The following ITGA9 variants were observed in gnomAD, a reference collection of about 807,000 sequenced individuals.
ITGA9 encodes integrin alpha-9.
ITGA9 carries 56 observed loss-of-function variants against 127.8 expected under a neutral mutation model. That is an observed-to-expected ratio of 0.44 (90% CI 0.35 to 0.55). The LOEUF (loss-of-function observed/expected upper bound fraction) is 0.55. Among genes scored for constraint, ITGA9 ranks in the 20% least tolerant of loss-of-function variants. ITGA9 has a pLI of 0.00. For synonymous variants in ITGA9, 508 were observed against 514.5 expected, an observed-to-expected ratio of 0.99 and a Z score of 0.17; for missense variants, 1,196 against 1,347.1, an observed-to-expected ratio of 0.89 and a Z score of 1.76.
At chr3:37,816,405 G>T (rs1301437088) in intron 27 of ITGA9, among the ~76,000 whole-genome samples, 1 of 152,182 alleles carries the variant, frequency 6.6e-6, no homozygotes, top group African/African-American at 2.4e-5. Flanking sequence ...ATGTGCTAGA[G>T]AATCCTATTT....
intron 26 of ITGA9, chr3:37,790,112 C>T (rs1280865872): frequency 3.6e-6 from 2 of 556,344 alleles, no homozygotes; most frequent in South Asian, 1.4e-5. Flanking sequence ...GAAATTTTGC[C>T]TTTGGGAATG....
intron 15 of ITGA9, among the ~76,000 whole-genome samples, chr3:37,577,745 G>C (rs1263289179): frequency 3.9e-5 from 6 of 152,226 alleles, no homozygotes; most frequent in Non-Finnish European, 5.9e-5. Context: ...GTGAAACTCT[G>C]TGACTTCTTC....
At chr3:37,783,009 G>A (rs184319666) in intron 25 of ITGA9, among the ~76,000 whole-genome samples, 7 of 152,052 alleles carry the variant, frequency 4.6e-5, no homozygotes, top group Non-Finnish European at 1.0e-4. Context: ...CATGGTGGTG[G>A]GCACCTGTAG....
intron 17 of ITGA9, among the ~76,000 whole-genome samples, chr3:37,654,592 A>T (rs962119180): frequency 2.0e-5 from 3 of 152,116 alleles, no homozygotes; most frequent in African/African-American, 7.2e-5. Context: ...TTTGGTAGTT[A>T]TTTTTCAAAA....
intron 4 of ITGA9, among the ~76,000 whole-genome samples, chr3:37,484,717 A>G (rs1698591371): frequency 6.6e-6 from 1 of 152,152 alleles, no homozygotes; most frequent in African/African-American, 2.4e-5. Context: ...TTCTGGACAC[A>G]GACTGCCGGA....
intron 26 of ITGA9, among the ~76,000 whole-genome samples, chr3:37,786,525 G>A (rs749749902): frequency 6.6e-5 from 10 of 152,160 alleles, no homozygotes; most frequent in South Asian, 4.2e-4. Flanking sequence ...ACCCGGAGGC[G>A]GAGGTTGCAG....
At chr3:37,675,784 G>GC (rs1700675827) in intron 17 of ITGA9, among the ~76,000 whole-genome samples, 4 of 99,290 alleles carry the variant, frequency 4.0e-5, no homozygotes, top group African/African-American at 1.7e-4. Flanking sequence ...TTGCTCTTTT[G>GC]CCAGACTGGA....
intron 1 of ITGA9, among the ~76,000 whole-genome samples, chr3:37,454,275 A>G (rs1343990317): frequency 2.0e-5 from 3 of 152,266 alleles, no homozygotes; most frequent in Non-Finnish European, 4.4e-5. Flanking sequence ...CATGGGCCAC[A>G]GGTCAAAGCC....
At chr3:37,716,468 A>T (rs1261078419) in intron 18 of ITGA9, among the ~76,000 whole-genome samples, 4 of 151,738 alleles carry the variant, frequency 2.6e-5, no homozygotes, top group African/African-American at 9.7e-5. Flanking sequence ...ACATATACAG[A>T]CACAGAAAAG....
intron 15 of ITGA9, among the ~76,000 whole-genome samples, chr3:37,561,143 A>C (rs2125599726): frequency 6.6e-6 from 1 of 152,354 alleles, no homozygotes; most frequent in East Asian, 1.9e-4. Flanking sequence ...ACTTTAACAC[A>C]GGAATTTTGG....
At chr3:37,791,453 T>TG (rs1697108444) in intron 26 of ITGA9, among the ~76,000 whole-genome samples, 1 of 152,092 alleles carries the variant, frequency 6.6e-6, no homozygotes, top group Non-Finnish European at 1.5e-5. Flanking sequence ...TGCTCAGAAT[T>TG]GCGCTGGAAG....
At chr3:37,535,251 C>T (rs140516049) in intron 14 of ITGA9, among the ~76,000 whole-genome samples, 5 of 152,328 alleles carry the variant, frequency 3.3e-5, no homozygotes, top group East Asian at 1.9e-4. Context: ...TGTTAGACAA[C>T]GTTCACTTAT....
chr3:37,491,163 A>C (rs1484467760), intron 4 of ITGA9, among the ~76,000 whole-genome samples: 1 of 151,850 alleles, frequency 6.6e-6, no homozygotes, highest in Admixed American at 6.6e-5. Context: ...TTTTGTAGAG[A>C]TGGGGGTCTC....
chr3:37,546,188 A>G (rs1297196445), intron 15 of ITGA9, among the ~76,000 whole-genome samples: 2 of 152,208 alleles, frequency 1.3e-5, no homozygotes, highest in African/African-American at 2.4e-5. Flanking sequence ...TATATTGAAG[A>G]CACAACAGTG....
Position 37,822,848 on chromosome 3 carries a change from A to G in ITGA9, c.*3859A>G, listed in dbSNP as rs1445927404. The G allele has an allele frequency of 6.6e-6, 1 of 152,194 alleles. No individual in the cohort carries two copies. Among genetic ancestry groups the G allele is most frequent in the Non-Finnish European group, 1.5e-5 (1 of 68,030 alleles). 9.4% of individuals were successfully genotyped at this position (152,194 alleles called of 1,614,324 possible). A position where few individuals can be genotyped will look rare whatever the true frequency, so the allele number is the denominator to read the frequency against. On this transcript the variant is annotated 3_prime_UTR_variant, in exon 28 of 28. Transcript: ENST00000264741. ...TGCAGTTATGTCTGGGTTACGTGTG[A>G]AACGTACATCTGGTGAACTGTATAC...
At chr3:37,565,895 G>A (rs1361937629) in intron 15 of ITGA9, among the ~76,000 whole-genome samples, 1 of 152,132 alleles carries the variant, frequency 6.6e-6, no homozygotes, top group African/African-American at 2.4e-5. Flanking sequence ...GAAATACTGG[G>A]GACCCTTGAG....
chr3:37,743,867 G>A (rs557938468), intron 21 of ITGA9, 59 bp from the exon 22 acceptor site: 14 of 1,130,850 alleles, frequency 1.2e-5, no homozygotes, highest in Admixed American at 1.0e-4. Context: ...CAGAATGGCA[G>A]TGACCATGGG....
chr3:37,464,795 G>T (rs1031533169), intron 1 of ITGA9, among the ~76,000 whole-genome samples: 2 of 152,198 alleles, frequency 1.3e-5, no homozygotes, highest in Non-Finnish European at 2.9e-5. Flanking sequence ...AGCTTATGAG[G>T]CCTTTCAGGT....
At chr3:37,753,635 C>G (rs1696616242) in intron 23 of ITGA9, 1 of 152,220 alleles carries the variant, frequency 6.6e-6, no homozygotes, top group Non-Finnish European at 1.5e-5. Flanking sequence ...AGATGTACAG[C>G]AGATAGATAT....
Sources: gnomAD v4.1 joint callset for allele counts (sites outside exome capture counted in the v4.1 genomes callset) on GRCh38, gnomAD v4.1.1 for gene constraint, MANE v1.5 for transcripts, NCBI Gene and HGNC (gene_info 2026-07-23, HGNC 2026-07-21) for gene names.